PKN2: variants seen among roughly 807,000 people sequenced by gnomAD.
PKN2 encodes the protein serine/threonine-protein kinase N2.
PKN2 carries 38 observed loss-of-function variants against 119.1 expected under a neutral mutation model. The ratio of observed to expected loss-of-function variants is 0.32; its 90% CI spans 0.25 to 0.42. PKN2 has a LOEUF of 0.42. Ranked by LOEUF, PKN2 falls within the 10% of genes least tolerant of loss-of-function variation. PKN2 has a pLI of 1.00. For synonymous variants in PKN2, 390 were observed against 384.9 expected (o/e 1.01, Z -0.15); for missense variants, 850 against 1,165.1 (o/e 0.73, Z 3.94).
intron 1 of PKN2, among the ~76,000 whole-genome samples, chr1:88,732,664 CAA>C: frequency 6.6e-6 from 1 of 152,144 alleles, no homozygotes; most frequent in East Asian, 1.9e-4. Flanking sequence ...TTCTATATAA[CAA>C]AAATTTCTAA....
At chr1:88,736,737 T>G (rs1668364362) in intron 1 of PKN2, among the ~76,000 whole-genome samples, 1 of 152,026 alleles carries the variant, frequency 6.6e-6, no homozygotes, top group Admixed American at 6.5e-5. Flanking sequence ...CAAAGCCTGG[T>G]GGTGGTTTGT....
intron 16 of PKN2, among the ~76,000 whole-genome samples, chr1:88,820,567 T>C (rs763398605): frequency 2.6e-5 from 4 of 151,574 alleles, no homozygotes; most frequent in Admixed American, 6.6e-5. Flanking sequence ...TAAATAAAAA[T>C]TATTGACCCA....
At chr1:88,829,103 T>C (rs1299289554) in intron 19 of PKN2, 1 of 716,548 alleles carries the variant, frequency 1.4e-6, no homozygotes, top group Non-Finnish European at 2.6e-6. Context: ...AAGAACAAAA[T>C]GGATGGAGAG....
At position 88,693,155 on chromosome 1, in the gene PKN2, CTTA is replaced by C. The variant is rs528447839; in HGVS notation, c.48+8534_48+8536del. ...TTCCATACCTCTCTGTTGCAAACTACTTATTATTAGTCATTAATAATATTTTAT... is the reference window on the plus strand; with the variant it reads ...TTCCATACCTCTCTGTTGCAAACTACTTATTAGTCATTAATAATATTTTAT... On this transcript the variant is annotated intron_variant, in intron 1 of 21. Transcript: ENST00000370521. Among the ~76,000 whole-genome samples the C allele has an allele frequency of 1.4e-3, 209 of 152,246 alleles. 2 individuals carry two copies. In the South Asian group the frequency reaches 0.015, roughly 11 times the overall value.
At position 88,821,955 on chromosome 1, in the gene PKN2, G is replaced by A. The variant is rs748894392; in HGVS notation, c.2294G>A (p.Cys765Tyr). 1.3e-6 allele frequency: 2 copies of A among 1,578,196 alleles called. No homozygotes were observed. The highest frequency in any genetic ancestry group is 1.7e-6 in the Non-Finnish European group (2 of 1,167,208). Residue 765 changes from cysteine (C) to tyrosine (Y), a missense_variant, in exon 17 of 22, where the codon TGT becomes TAT. Around this residue, in one of 9 missense-constraint regions of PKN2, gnomAD observed 55 missense variants for 85.9 expected, o/e 0.64. Coordinates refer to ENST00000370521, the MANE Select transcript of PKN2 (RefSeq NM_006256.4). ...SEPRAVFYAA[C>Y]VVLGLQYLHE... ...TCTTCAAACAGATTTTATGCTGCTT[G>A]TGTAGTTCTTGGGTTGCAGTATTTA...
intron 16 of PKN2, among the ~76,000 whole-genome samples, chr1:88,814,331 A>G (rs1332330203): frequency 1.3e-5 from 2 of 152,218 alleles, no homozygotes; most frequent in South Asian, 2.1e-4. Flanking sequence ...AATAAGAATA[A>G]TAGTAAACAC....
Position 88,684,595 on chromosome 1 carries a change from C to T in PKN2, c.15C>T (p.Pro5=), listed in dbSNP as rs1665993897. Residue 5 remains proline (P), a synonymous_variant, in exon 1 of 22, where the codon CCC becomes CCT. Coordinates refer to ENST00000370521, the MANE Select transcript of PKN2 (RefSeq NM_006256.4). MASN[P]ERGEILLTEL... is the part of the protein sequence containing the mutation. ...ACCGGAGCGCAATGGCGTCCAACCCCGAACGGGGGGAGATTCTGCTCACGG... is the reference window on the plus strand; with the variant it reads ...ACCGGAGCGCAATGGCGTCCAACCCTGAACGGGGGGAGATTCTGCTCACGG... 2 of 1,561,564 alleles carry T rather than the reference C, an allele frequency of 1.3e-6. No individual in the cohort carries two copies. Among genetic ancestry groups the T allele is most frequent in the South Asian group, 1.2e-5 (1 of 85,368 alleles).
chr1:88,758,749 T>G (rs1323842255), intron 2 of PKN2, among the ~76,000 whole-genome samples: 3 of 152,202 alleles, frequency 2.0e-5, no homozygotes, highest in Non-Finnish European at 4.4e-5. Flanking sequence ...CCATGGTGTG[T>G]GTGTGTGTGT....
chr1:88,825,025 C>G (rs1672440089), intron 18 of PKN2, among the ~76,000 whole-genome samples: 1 of 152,258 alleles, frequency 6.6e-6, no homozygotes, highest in Admixed American at 6.5e-5. Context: ...CTAACATTCT[C>G]TATCTCCCTC....
At chr1:88,756,257 C>G (rs1669197562) in intron 2 of PKN2, among the ~76,000 whole-genome samples, 1 of 152,146 alleles carries the variant, frequency 6.6e-6, no homozygotes, top group African/African-American at 2.4e-5. Flanking sequence ...TATAGTATCT[C>G]TAACAAATTG....
rs1053780052 is a variant in PKN2, at chr1:88,804,635, T to C, written c.1425+101T>C. On this transcript the variant is annotated intron_variant, in intron 9 of 21. Coordinates refer to ENST00000370521, the MANE Select transcript of PKN2 (RefSeq NM_006256.4). ...AAAGAGTGTTAGGCTGAAAGACAGA[T>C]GACTTGAGTTCTTGGCTGAGCTATG... 7.8e-5 allele frequency: 93 copies of C among 1,192,368 alleles called. No individual in the cohort carries two copies. In the African/African-American group the frequency reaches 1.3e-3, roughly 17 times the overall value. 73.9% of individuals were successfully genotyped at this position (1,192,368 alleles called of 1,614,324 possible).
At chr1:88,819,189 T>TTA (rs1418598317) in intron 16 of PKN2, among the ~76,000 whole-genome samples, 1 of 151,968 alleles carries the variant, frequency 6.6e-6, no homozygotes, top group Admixed American at 6.6e-5. Flanking sequence ...TGGGATCTGA[T>TTA]TAAAGAGCTT....
At chr1:88,710,906 C>T (rs1037490759) in intron 1 of PKN2, among the ~76,000 whole-genome samples, 5 of 152,152 alleles carry the variant, frequency 3.3e-5, no homozygotes, top group East Asian at 1.9e-4. Context: ...CCTAAATGCC[C>T]ACCAATAATA....
At chr1:88,709,059 ATT>A (rs112316650) in intron 1 of PKN2, among the ~76,000 whole-genome samples, 1 of 145,768 alleles carries the variant, frequency 6.9e-6, no homozygotes, top group Non-Finnish European at 1.5e-5. Context: ...ATAATAATCA[ATT>A]TTTTTTTTTT....
At chr1:88,750,635 C>T (rs1026468703) in intron 2 of PKN2, among the ~76,000 whole-genome samples, 1 of 152,100 alleles carries the variant, frequency 6.6e-6, no homozygotes, top group South Asian at 2.1e-4. Flanking sequence ...TGGATATTAC[C>T]TGGATGTCCT....
chr1:88,822,540 A>G (rs1183668284), intron 17 of PKN2, among the ~76,000 whole-genome samples: 1 of 151,408 alleles, frequency 6.6e-6, no homozygotes, highest in Non-Finnish European at 1.5e-5. Flanking sequence ...TGAGAAGGCT[A>G]GTCAGAATTA....
intron 18 of PKN2, 91 bp downstream of exon 18, chr1:88,824,477 C>T: frequency 1.3e-6 from 1 of 748,744 alleles, no homozygotes; most frequent in African/African-American, 1.7e-5. Context: ...GGAAAACAAA[C>T]TGTACTTTTA....
intron 2 of PKN2, among the ~76,000 whole-genome samples, chr1:88,744,447 C>T (rs1026239525): frequency 2.6e-5 from 4 of 152,044 alleles, no homozygotes; most frequent in Admixed American, 6.6e-5. Flanking sequence ...TTTGAGACTG[C>T]GTCTCCCTCT....
At chr1:88,689,523 A>T (rs1451466014) in intron 1 of PKN2, among the ~76,000 whole-genome samples, 3 of 152,100 alleles carry the variant, frequency 2.0e-5, no homozygotes, top group Non-Finnish European at 4.4e-5. Flanking sequence ...TAAGAAGAAA[A>T]GTGCAGGCTG....
Sources: allele counts gnomAD v4.1 joint callset (sites outside exome capture counted in the v4.1 genomes callset), GRCh38; gene constraint gnomAD v4.1.1; regional missense constraint gnomAD v4.1.1; transcripts MANE v1.5; gene names NCBI Gene and HGNC (gene_info 2026-07-23, HGNC 2026-07-21).